The following FRMD8 variants were observed in gnomAD, a reference collection of about 807,000 sequenced individuals.
FRMD8 encodes the protein FERM domain containing 8, also known as FERM domain-containing protein 8.
A neutral mutation model predicts 54.2 loss-of-function variants in FRMD8; 37 were observed. That is an observed-to-expected ratio of 0.68 (90% CI 0.53 to 0.90). The LOEUF (loss-of-function observed/expected upper bound fraction) is 0.90. Among genes scored for constraint, FRMD8 ranks in the 40% least tolerant of loss-of-function variants. FRMD8 has a pLI of 0.00. For missense variants in FRMD8, 585 were observed against 653.7 expected (o/e 0.89, Z 1.15); for synonymous variants, 246 against 286.9 (o/e 0.86, Z 1.44).
At chr11:65,393,829 G>T in intron 4 of FRMD8, 155 bp downstream of exon 4, 1 of 799,262 alleles carries the variant, frequency 1.3e-6, no homozygotes, top group Non-Finnish European at 2.0e-6. Flanking sequence ...CCTGGCAGGG[G>T]AGGAAGGGGT....
the FRMD8 span, chr11:65,380,025 A>C: frequency 6.3e-7 from 1 of 1,587,816 alleles, no homozygotes; most frequent in Non-Finnish European, 8.6e-7. Context: ...GATGCCAACC[A>C]GCAGGAGAGG....
chr11:65,400,663 G>C lies in FRMD8; in HGVS notation c.928-61G>C, dbSNP rs547668608. On this transcript the variant is annotated intron_variant, in intron 8 of 10. Coordinates refer to ENST00000317568, the MANE Select transcript of FRMD8 (RefSeq NM_031904.5). This position sits in a 1 kb window ranked among gnomAD's most constrained non-coding sequence, Gnocchi z 4.3. ...CCCTGGCCAGGTGTCTGAGTGGGAT[G>C]GGGTGGGGAGCAGACCTCTGCCCAG... 4.1e-6 allele frequency: 6 copies of C among 1,465,444 alleles called. No homozygotes were observed. The African/African-American group carries it at 8.4e-5, about 21-fold the overall frequency. 90.8% of individuals were successfully genotyped at this position (1,465,444 alleles called of 1,614,324 possible).
At chr11:65,372,526 G>A in the FRMD8 span, among the ~76,000 whole-genome samples, 1 of 152,116 alleles carries the variant, frequency 6.6e-6, no homozygotes, top group Non-Finnish European at 1.5e-5. Flanking sequence ...GACTCCTCTA[G>A]ATAGAACCAG....
At chr11:65,384,853 C>T (rs1474757684), upstream of FRMD8, among the ~76,000 whole-genome samples, 1 of 152,130 alleles carries the variant, frequency 6.6e-6, no homozygotes, top group Non-Finnish European at 1.5e-5. Flanking sequence ...GCTAGGACCA[C>T]AGATGTGTGC....
chr11:65,402,985 G>T (rs1856114457), intron 9 of FRMD8, among the ~76,000 whole-genome samples: 1 of 151,642 alleles, frequency 6.6e-6, no homozygotes, highest in Non-Finnish European at 1.5e-5. Context: ...CTGCATCCTT[G>T]ACCTCTGGGC....
upstream of FRMD8, chr11:65,383,277 T>C (rs1327715077): frequency 6.6e-6 from 1 of 152,334 alleles, no homozygotes; most frequent in East Asian, 1.9e-4. Context: ...CCCCTGCTGC[T>C]TTCTCCCGGG....
Position 65,400,482 on chromosome 11 carries a change from C to T in FRMD8, c.928-242C>T, listed in dbSNP as rs1305292240. On this transcript the variant is annotated intron_variant, in intron 8 of 10. Coordinates refer to ENST00000317568, the MANE Select transcript of FRMD8 (RefSeq NM_031904.5). This position sits in a 1 kb window ranked among gnomAD's most constrained non-coding sequence, Gnocchi z 4.3. ...TGCCTCCTCCCCCACGTGCCTCCCC[C>T]GCTGTCAGGGGCTTGGCCTGCTGGT... Among the ~76,000 whole-genome samples, 5 of 152,202 alleles carry T rather than the reference C, an allele frequency of 3.3e-5. No homozygotes were observed. The highest frequency in any genetic ancestry group is 6.5e-5 in the Admixed American group (1 of 15,284).
At chr11:65,403,739 G>C (rs537633688) in intron 9 of FRMD8, among the ~76,000 whole-genome samples, 7 of 152,342 alleles carry the variant, frequency 4.6e-5, no homozygotes, top group African/African-American at 1.4e-4. Context: ...CCTTTCTGAC[G>C]CTGGCTTGCT....
Position 65,400,917 on chromosome 11 carries a change from C to G in FRMD8, c.1071+50C>G. 2 of 1,539,368 alleles carry G rather than the reference C, an allele frequency of 1.3e-6. No homozygotes were observed. The highest frequency in any genetic ancestry group is 2.5e-5 in the South Asian group (2 of 79,636). Reference sequence around the variant, plus strand: ...GGGTGGGGAGGCTGGGCCCAGGTGCCCTGGGTCCCAGACAATTAGAGGCAC... The same window carrying G: ...GGGTGGGGAGGCTGGGCCCAGGTGCGCTGGGTCCCAGACAATTAGAGGCAC... On this transcript the variant is annotated intron_variant, in intron 9 of 10. Transcript: ENST00000317568. The surrounding 1 kb of genome is among the most constrained non-coding windows in gnomAD (Gnocchi z 4.3).
At chr11:65,380,472 A>C in the FRMD8 span, 1 of 1,290,268 alleles carries the variant, frequency 7.8e-7, no homozygotes, top group Non-Finnish European at 1.1e-6. Flanking sequence ...GCTGGAGCCC[A>C]TACCCGGGTA....
rs1855901702 is a variant in FRMD8, at chr11:65,394,315, G to A, written c.471G>A (p.Leu157=). 1.9e-6 allele frequency: 3 copies of A among 1,589,354 alleles called. No homozygotes were observed. The highest frequency in any genetic ancestry group is 8.6e-7 in the Non-Finnish European group (1 of 1,168,308). Residue 157 remains leucine, a synonymous_variant, in exon 6 of 11, where the codon CTG becomes CTA. Coordinates refer to ENST00000317568, the MANE Select transcript of FRMD8 (RefSeq NM_031904.5). ...LLYEEAKGNV[L]AARYPCDVED... is the part of the protein sequence containing the mutation. ...ATGAGGAGGCCAAGGGCAACGTGCT[G>A]GCTGCACGGTACCCGTGCGACGTGG... is the stretch of plus-strand genomic sequence containing the variant.
Position 65,390,860 on chromosome 11 carries a change from A to ACGC in FRMD8, c.253+1334_253+1335insCCG, listed in dbSNP as rs1254254556. The stretch of plus-strand genomic sequence containing the variant: ...CTCCTCACCACATTCCGGCTCTCCC[A>ACGC]CGGCCGGAGGCCGTGAATGGGCTGC... On this transcript the variant is annotated intron_variant, in intron 3 of 10. Transcript: ENST00000317568. Among the ~76,000 whole-genome samples, 5 of 152,166 alleles carry ACGC rather than the reference A, an allele frequency of 3.3e-5. No homozygotes were observed. In the South Asian group the frequency reaches 1.0e-3, roughly 31 times the overall value.
At position 65,393,809 on chromosome 11, in the gene FRMD8, G is replaced by A. The variant is rs757739888; in HGVS notation, c.355+135G>A. ...AGGGCCTGCATCTCCCCCAGGCTCC[G>A]TCAGCCACCCCTGGCAGGGGAGGAA... On this transcript the variant is annotated intron_variant, in intron 4 of 10. Transcript: ENST00000317568. 258 of 834,638 alleles carry A rather than the reference G, an allele frequency of 3.1e-4. 1 individual carries two copies. Among genetic ancestry groups the A allele is most frequent in the Non-Finnish European group, 4.6e-4 (240 of 525,498 alleles). The allele number at this position is 834,638 out of a possible 1,614,324, so 51.7% of individuals were successfully genotyped here.
rs558640876 is a variant in FRMD8 at position 65,400,296 on chromosome 11, A to G, written c.928-428A>G. Reference sequence around the variant, plus strand: ...GCAGATTACCTGTCCCTGGACAGAAATTTGCTCCTAAGCCAGCAGAAGAGT... The same window carrying G: ...GCAGATTACCTGTCCCTGGACAGAAGTTTGCTCCTAAGCCAGCAGAAGAGT... On this transcript the variant is annotated intron_variant, in intron 8 of 10. Coordinates refer to ENST00000317568, the MANE Select transcript of FRMD8 (RefSeq NM_031904.5). The surrounding 1 kb of genome is among the most constrained non-coding windows in gnomAD (Gnocchi z 4.3). 2.0e-5 allele frequency among the ~76,000 whole-genome samples: 3 copies of G among 152,218 alleles called. No homozygotes were observed. The South Asian group carries it at 6.2e-4, about 32-fold the overall frequency.
intron 7 of FRMD8, among the ~76,000 whole-genome samples, chr11:65,399,058 C>T (rs1235403776): frequency 6.7e-6 from 1 of 148,660 alleles, no homozygotes; most frequent in Admixed American, 6.8e-5. Flanking sequence ...AGTGCAGTGG[C>T]ACGATCTTGG....
upstream of FRMD8, chr11:65,382,171 A>G: frequency 1.7e-6 from 1 of 589,194 alleles, no homozygotes; most frequent in Non-Finnish European, 3.1e-6. The surrounding 1 kb of genome is among the most constrained non-coding windows in gnomAD (Gnocchi z 4.4). Context: ...GTACAGTCTC[A>G]CGGGCCAGGC....
intron 6 of FRMD8, 150 bp from the exon 7 acceptor site, chr11:65,396,649 T>C (rs1855961282): frequency 2.0e-6 from 1 of 506,176 alleles, no homozygotes; most frequent in Non-Finnish European, 3.4e-6. Flanking sequence ...GTCTGGTGCC[T>C]GGGTCTCCCC....
upstream of FRMD8, among the ~76,000 whole-genome samples, chr11:65,386,222 A>C (rs1855727282): frequency 6.6e-6 from 1 of 152,192 alleles, no homozygotes; most frequent in African/African-American, 2.4e-5. Flanking sequence ...GTCCAGGATG[A>C]GTCTGGGCCA....
At chr11:65,401,608 C>T (rs1328915501) in intron 9 of FRMD8, among the ~76,000 whole-genome samples, 3 of 150,926 alleles carry the variant, frequency 2.0e-5, no homozygotes, top group Middle Eastern at 3.4e-3. Flanking sequence ...CTTCTAGCCC[C>T]ATCGGCCTCT....
Sources: gnomAD v4.1 joint callset for allele counts (sites outside exome capture counted in the v4.1 genomes callset) on GRCh38, gnomAD v4.1.1 for gene constraint, Gnocchi (gnomAD v3.1) non-coding constraint, MANE v1.5 for transcripts, NCBI Gene and HGNC (gene_info 2026-07-23, HGNC 2026-07-21) for gene names.